DNAH14: variants seen among roughly 807,000 people sequenced by gnomAD.
DNAH14 encodes the protein dynein axonemal heavy chain 14, also known as axonemal beta dynein heavy chain 14.
In DNAH14, 478 loss-of-function variants were observed where a neutral mutation model predicts 520.9. The observed-to-expected ratio is 0.92, with a 90% CI of 0.85 to 0.99. DNAH14 has a LOEUF of 0.99. DNAH14 is among the 50% of genes least tolerant of loss of function. The pLI is 0.00. For missense variants in DNAH14, 4,831 were observed against 5,234.5 expected (o/e 0.92, Z 2.38); for synonymous variants, 1,581 against 1,757.2 (o/e 0.90, Z 2.51).
chr1:224,937,906 A>G (rs2059146257), intron 1 of DNAH14, among the ~76,000 whole-genome samples: 1 of 152,112 alleles, frequency 6.6e-6, no homozygotes, highest in African/African-American at 2.4e-5. Context: ...CACATTTACA[A>G]CCAACTGATC....
At chr1:225,214,606 G>A (rs1352644138) in intron 41 of DNAH14, among the ~76,000 whole-genome samples, 1 of 152,064 alleles carries the variant, frequency 6.6e-6, no homozygotes, top group Non-Finnish European at 1.5e-5. Flanking sequence ...ATGTATTCAG[G>A]GATTTTACTT....
intron 12 of DNAH14, among the ~76,000 whole-genome samples, chr1:225,042,320 A>T (rs1177718241): frequency 6.6e-6 from 1 of 152,224 alleles, no homozygotes; most frequent in East Asian, 1.9e-4. Flanking sequence ...ACAATTATTT[A>T]CATAAATGAG....
At chr1:225,019,337 C>T (rs2065470620) in intron 10 of DNAH14, among the ~76,000 whole-genome samples, 1 of 152,168 alleles carries the variant, frequency 6.6e-6, no homozygotes, top group South Asian at 2.1e-4. Flanking sequence ...AAGGCCATTA[C>T]ATAACAATAT....
intron 69 of DNAH14, among the ~76,000 whole-genome samples, chr1:225,343,408 A>G (rs981256389): frequency 1.3e-5 from 2 of 152,184 alleles, no homozygotes; most frequent in African/African-American, 4.8e-5. Context: ...AAGTAGGGAA[A>G]GTAGTGGGGA....
At position 225,398,370 on chromosome 1, in the gene DNAH14, A is replaced by G. The variant is rs571819621; in HGVS notation, c.13492-150A>G. 2.1e-5 allele frequency: 20 copies of G among 937,884 alleles called. 1 individual carries two copies. In the South Asian group the frequency reaches 3.6e-4, roughly 17 times the overall value. 58.1% of individuals were successfully genotyped at this position (937,884 alleles called of 1,614,324 possible). ...TCGTTTTTAAAGCACTCAGAATAGG[A>G]AAAAAAATAAGTATTCACCTTAGAA... On this transcript the variant is annotated intron_variant, in intron 84 of 85. Transcript: ENST00000682510.
chr1:225,082,801 G>A (rs1170592857), intron 20 of DNAH14, 62 bp downstream of exon 20: 2 of 1,353,724 alleles, frequency 1.5e-6, no homozygotes, highest in African/African-American at 1.5e-5. Flanking sequence ...ATTTTAAATA[G>A]GCGAGTAAAT....
chr1:225,143,877 A>G (rs1475502736), intron 28 of DNAH14, among the ~76,000 whole-genome samples: 1 of 152,222 alleles, frequency 6.6e-6, no homozygotes, highest in Non-Finnish European at 1.5e-5. Flanking sequence ...TCATAAATGT[A>G]ACTCAAAACC....
At position 225,377,267 on chromosome 1, in the gene DNAH14, A is replaced by G. The variant is rs2095712826; in HGVS notation, c.12547A>G (p.Ile4183Val). The stretch of plus-strand genomic sequence containing the variant: ...TCTGCCAGTTCCAGGATCTGCAAGC[A>G]TAAAGGACTACATACACATTATCCA... ...ICLPVPGSAS[I>V]KDYIHIIQSL... The change falls in exon 79 of 86, where the codon ATA becomes GTA. Residue 4183 changes from isoleucine (I) to valine (V), a missense_variant. Coordinates refer to ENST00000682510, the MANE Select transcript of DNAH14 (RefSeq NM_001367479.1). The G allele has an allele frequency of 6.9e-7, 1 of 1,450,812 alleles. No homozygotes were observed. Among genetic ancestry groups the G allele is most frequent in the African/African-American group, 1.4e-5 (1 of 70,010 alleles). 89.9% of individuals were successfully genotyped at this position (1,450,812 alleles called of 1,614,324 possible). A position where few individuals can be genotyped will look rare whatever the true frequency, so the allele number is the denominator to read the frequency against.
intron 12 of DNAH14, among the ~76,000 whole-genome samples, chr1:225,039,648 G>A (rs2148190143): frequency 6.6e-6 from 1 of 151,180 alleles, no homozygotes; most frequent in South Asian, 2.1e-4. Context: ...ATTTTCTTGA[G>A]ATTTAAACTT....
At chr1:224,980,033 C>T (rs775131113) in intron 8 of DNAH14, among the ~76,000 whole-genome samples, 3 of 152,168 alleles carry the variant, frequency 2.0e-5, no homozygotes, top group Non-Finnish European at 2.9e-5. Flanking sequence ...CTCAAACATG[C>T]TGGCTTCAGG....
intron 38 of DNAH14, among the ~76,000 whole-genome samples, chr1:225,196,648 TC>T (rs2086180058): frequency 6.6e-6 from 1 of 151,952 alleles, no homozygotes; most frequent in South Asian, 2.1e-4. Context: ...GTAGAAGTGT[TC>T]CCTGTTCACC....
At chr1:225,156,216 T>C (rs2081028322) in intron 34 of DNAH14, among the ~76,000 whole-genome samples, 1 of 152,208 alleles carries the variant, frequency 6.6e-6, no homozygotes, top group East Asian at 1.9e-4. Flanking sequence ...TTCTCAAATA[T>C]ACTTTCAGGG....
At chr1:224,980,361 C>T (rs2125690960) in intron 8 of DNAH14, among the ~76,000 whole-genome samples, 1 of 152,198 alleles carries the variant, frequency 6.6e-6, no homozygotes, top group Admixed American at 6.5e-5. Flanking sequence ...TCCCTATGGG[C>T]CTGTGGTGGT....
intron 75 of DNAH14, among the ~76,000 whole-genome samples, chr1:225,362,541 C>T (rs1214286957): frequency 6.7e-6 from 1 of 149,660 alleles, no homozygotes; most frequent in Non-Finnish European, 1.5e-5. Flanking sequence ...TGCCACTGCA[C>T]TCCAGCCTGG....
chr1:225,078,494 A>G (rs553002358), intron 17 of DNAH14, among the ~76,000 whole-genome samples: 1 of 152,318 alleles, frequency 6.6e-6, no homozygotes, highest in East Asian at 1.9e-4. Context: ...TATGTGGAAT[A>G]CATTCAAGTG....
intron 43 of DNAH14, among the ~76,000 whole-genome samples, chr1:225,246,324 GAC>G (rs2092281926): frequency 6.6e-6 from 1 of 152,110 alleles, no homozygotes; most frequent in Non-Finnish European, 1.5e-5. Context: ...CATAGGCAAA[GAC>G]TTCATGACTG....
intron 7 of DNAH14, 131 bp downstream of exon 7, chr1:224,969,005 T>G: frequency 1.7e-6 from 1 of 600,002 alleles, no homozygotes; most frequent in Non-Finnish European, 2.8e-6. Flanking sequence ...TCTAAAAATT[T>G]TTTACGGAAC....
chr1:225,294,610 C>A (rs2093964881), intron 55 of DNAH14, among the ~76,000 whole-genome samples: 2 of 152,052 alleles, frequency 1.3e-5, no homozygotes, highest in African/African-American at 4.8e-5. Context: ...CACCTGAGGT[C>A]AAAAGTTCAA....
chr1:225,066,692 C>T (rs2070928117), intron 17 of DNAH14, among the ~76,000 whole-genome samples: 1 of 150,944 alleles, frequency 6.6e-6, no homozygotes, highest in African/African-American at 2.4e-5. Context: ...TTATATTGTT[C>T]TTACGCCTTT....
Sources: allele counts gnomAD v4.1 joint callset (sites outside exome capture counted in the v4.1 genomes callset), GRCh38; gene constraint gnomAD v4.1.1; transcripts MANE v1.5; gene names NCBI Gene and HGNC (gene_info 2026-07-23, HGNC 2026-07-21).